Variants in NXPH1 observed in about 807,000 individuals in gnomAD.
NXPH1 encodes the protein neurexophilin 1.
Under a neutral mutation model 23.7 loss-of-function variants are expected in NXPH1, and 5 were observed. The ratio of observed to expected loss-of-function variants is 0.21; its 90% CI spans 0.11 to 0.44. The LOEUF is 0.44. Ranked by LOEUF, NXPH1 falls within the 20% of genes least tolerant of loss-of-function variation. The probability of loss-of-function intolerance (pLI) is 0.99; values close to 1 mark genes in which losing one functional copy is unlikely to be tolerated. For synonymous variants in NXPH1, 144 were observed against 122.2 expected (o/e 1.18, Z -1.18); for missense variants, 324 against 321.6 (o/e 1.01, Z -0.06).
rs10277300 is a variant in NXPH1 at position 8,606,648 on chromosome 7, C to T, written c.55-144360C>T. Among the ~76,000 whole-genome samples, 1,376 of 152,144 alleles carry T rather than the reference C, an allele frequency of 9.0e-3. 21 individuals carry two copies. The highest frequency in any genetic ancestry group is 0.032 in the African/African-American group (1,309 of 41,500). On this transcript the variant is annotated intron_variant, in intron 2 of 2. Transcript: ENST00000405863. The stretch of plus-strand genomic sequence containing the variant: ...TGGGCAAAGATACAGGACTGCTGCC[C>T]TCTCACTCTGCCTTTTCAAAAGCTT...
chr7:8,488,974 A>C (rs889886873), intron 2 of NXPH1, among the ~76,000 whole-genome samples: 1 of 152,108 alleles, frequency 6.6e-6, no homozygotes, highest in Admixed American at 6.6e-5. Flanking sequence ...TTAATGTCCC[A>C]ATACTAATTG....
chr7:8,610,665 C>T (rs1819598175), intron 2 of NXPH1, among the ~76,000 whole-genome samples: 1 of 152,020 alleles, frequency 6.6e-6, no homozygotes, highest in Admixed American at 6.6e-5. Flanking sequence ...ATGATTACAA[C>T]TGGTTTCTAT....
At position 8,660,028 on chromosome 7, in the gene NXPH1, G is replaced by A. The variant is rs1820647645; in HGVS notation, c.55-90980G>A. On this transcript the variant is annotated intron_variant, in intron 2 of 2. Coordinates refer to ENST00000405863, the MANE Select transcript of NXPH1 (RefSeq NM_152745.3). ...ACTTAAGAGGAGCAGAATCCTGCTT[G>A]AGAAAAACCCAGTGTGACTTTCTTC... is the stretch of plus-strand genomic sequence containing the variant. 2.0e-5 allele frequency among the ~76,000 whole-genome samples: 3 copies of A among 152,140 alleles called. No homozygotes were observed. In the South Asian group the frequency reaches 6.2e-4, roughly 31 times the overall value.
intron 2 of NXPH1, among the ~76,000 whole-genome samples, chr7:8,580,256 T>C (rs1032668532): frequency 2.0e-5 from 3 of 152,116 alleles, no homozygotes; most frequent in Admixed American, 6.5e-5. Context: ...GCTGATTGAA[T>C]ATGGAGTTTA....
intron 2 of NXPH1, among the ~76,000 whole-genome samples, chr7:8,636,152 G>C (rs1006714485): frequency 6.6e-6 from 1 of 152,100 alleles, no homozygotes; most frequent in Non-Finnish European, 1.5e-5. Flanking sequence ...AAAGGATTGT[G>C]TTTGTGCTTA....
At chr7:8,684,799 A>G (rs1821120038) in intron 2 of NXPH1, among the ~76,000 whole-genome samples, 1 of 152,170 alleles carries the variant, frequency 6.6e-6, no homozygotes, top group South Asian at 2.1e-4. Flanking sequence ...TAGCTATTGA[A>G]ATCTATTAAT....
At chr7:8,746,878 T>G (rs1780479190) in intron 2 of NXPH1, among the ~76,000 whole-genome samples, 1 of 151,968 alleles carries the variant, frequency 6.6e-6, no homozygotes, top group Non-Finnish European at 1.5e-5. Flanking sequence ...TTTTTTTAAT[T>G]GTTTGCTTTA....
intron 2 of NXPH1, among the ~76,000 whole-genome samples, chr7:8,708,243 G>A (rs183616844): frequency 6.6e-6 from 1 of 152,252 alleles, no homozygotes; most frequent in East Asian, 1.9e-4. Flanking sequence ...TGACATGAAG[G>A]AAGATATGTT....
intron 2 of NXPH1, among the ~76,000 whole-genome samples, chr7:8,661,046 C>T (rs919431413): frequency 1.3e-4 from 19 of 150,896 alleles, no homozygotes; most frequent in Admixed American, 1.1e-3. Context: ...AGAAGCTGCA[C>T]AGTGACATAG....
intron 2 of NXPH1, among the ~76,000 whole-genome samples, chr7:8,476,362 C>G (rs1816971497): frequency 6.6e-6 from 1 of 152,086 alleles, no homozygotes; most frequent in Admixed American, 6.6e-5. Context: ...TCTGTTCTTT[C>G]AGGCCTGGGT....
intron 2 of NXPH1, among the ~76,000 whole-genome samples, chr7:8,622,787 C>T (rs1033324413): frequency 5.3e-5 from 8 of 152,186 alleles, no homozygotes; most frequent in Non-Finnish European, 1.2e-4. Flanking sequence ...GAGGACAAGG[C>T]GAAAACCTAT....
chr7:8,717,968 A>G (rs1186417160), intron 2 of NXPH1, among the ~76,000 whole-genome samples: 3 of 151,644 alleles, frequency 2.0e-5, no homozygotes, highest in Non-Finnish European at 4.4e-5. Flanking sequence ...GAGCCCCTAT[A>G]TACATTTATT....
chr7:8,512,729 C>G (rs960134827), intron 2 of NXPH1, among the ~76,000 whole-genome samples: 24 of 152,182 alleles, frequency 1.6e-4, no homozygotes, highest in South Asian at 6.2e-4. Context: ...ACAAACCACC[C>G]CCAATTTATT....
intron 2 of NXPH1, among the ~76,000 whole-genome samples, chr7:8,495,145 T>C (rs1042150842): frequency 6.6e-5 from 10 of 151,846 alleles, no homozygotes; most frequent in African/African-American, 9.7e-5. Flanking sequence ...GGCTCAGTGA[T>C]TGGGGGCACT....
chr7:8,510,697 A>G (rs573865684), intron 2 of NXPH1, among the ~76,000 whole-genome samples: 1 of 152,132 alleles, frequency 6.6e-6, no homozygotes, highest in Non-Finnish European at 1.5e-5. Context: ...GGAATAGGTA[A>G]CTTTTAAAAA....
At chr7:8,556,114 C>T (rs1429452445) in intron 2 of NXPH1, among the ~76,000 whole-genome samples, 1 of 151,636 alleles carries the variant, frequency 6.6e-6, no homozygotes, top group Non-Finnish European at 1.5e-5. Flanking sequence ...AAACAGCAGG[C>T]ACTTAGCCCA....
At chr7:8,607,039 G>A (rs1399369331) in intron 2 of NXPH1, among the ~76,000 whole-genome samples, 2 of 151,914 alleles carry the variant, frequency 1.3e-5, no homozygotes, top group Non-Finnish European at 2.9e-5. Flanking sequence ...AATTTTAGTT[G>A]GGGCTTTAAT....
At chr7:8,636,668 T>C (rs1820222772) in intron 2 of NXPH1, among the ~76,000 whole-genome samples, 1 of 152,184 alleles carries the variant, frequency 6.6e-6, no homozygotes, top group African/African-American at 2.4e-5. Flanking sequence ...CTGTGATTGA[T>C]TTGATTTTGC....
chr7:8,618,824 G>A (rs1478359121), intron 2 of NXPH1, among the ~76,000 whole-genome samples: 3 of 152,096 alleles, frequency 2.0e-5, no homozygotes, highest in Non-Finnish European at 4.4e-5. Flanking sequence ...TATTTTATTT[G>A]TTTGAATGTA....
Sources: allele counts gnomAD v4.1 joint callset (sites outside exome capture counted in the v4.1 genomes callset), GRCh38; gene constraint gnomAD v4.1.1; transcripts MANE v1.5; gene names NCBI Gene and HGNC (gene_info 2026-07-23, HGNC 2026-07-21).